CPLANE1: variants seen among roughly 807,000 people sequenced by gnomAD.
CPLANE1 encodes the protein ciliogenesis and planar polarity effector complex subunit 1, also known as ciliogenesis and planar polarity effector 1.
CPLANE1 carries 263 observed loss-of-function variants against 362.5 expected under a neutral mutation model. The ratio of observed to expected loss-of-function variants is 0.73; its 90% confidence interval spans 0.66 to 0.80. The LOEUF is 0.80. CPLANE1 is among the 30% of genes least tolerant of loss of function. CPLANE1 has a pLI of 0.00. For synonymous variants in CPLANE1, 1,212 were observed against 1,302.6 expected (o/e 0.93, Z 1.50); for missense variants, 3,461 against 3,793.4 (o/e 0.91, Z 2.30).
chr5:37,092,748 C>G, the CPLANE1 span, among the ~76,000 whole-genome samples: 1 of 152,210 alleles, frequency 6.6e-6, no homozygotes, highest in African/African-American at 2.4e-5. Context: ...CCCTTGACAC[C>G]TGGCATGGAA....
In CPLANE1 at chr5:37,183,340, C is replaced by T. The variant is rs771898985; in HGVS notation, c.4841G>A (p.Arg1614Lys). The T allele has an allele frequency of 3.7e-6, 6 of 1,612,810 alleles. No individual in the cohort carries two copies. In the South Asian group the frequency reaches 5.5e-5, roughly 15 times the overall value. ...QSKTKSQNVFRAGSCFVVAPE... is the reference protein window; with the variant it reads ...QSKTKSQNVFKAGSCFVVAPE... Reference sequence around the variant, plus strand: ...AGCAACAACAAAGCAAGAACCAGCTCTAAACACATTCTGGCTTTTAGTTTT... The same window carrying T: ...AGCAACAACAAAGCAAGAACCAGCTTTAAACACATTCTGGCTTTTAGTTTT... The change falls in exon 26 of 53, where the codon AGA (arginine) becomes AAA (lysine). Residue 1614 changes from arginine (R) to lysine (K), a missense_variant. This residue lies in a region of CPLANE1 where 3,380 missense variants were observed against 3,666.1 expected (regional missense o/e 0.92). Coordinates refer to ENST00000651892, the MANE Select transcript of CPLANE1 (RefSeq NM_001384732.1).
intron 46 of CPLANE1, among the ~76,000 whole-genome samples, chr5:37,128,420 A>C (rs1406825682): frequency 2.0e-5 from 3 of 152,254 alleles, no homozygotes; most frequent in Non-Finnish European, 1.5e-5. Context: ...TGCTGCGTGC[A>C]GATGGTGTCA....
chr5:37,166,970 G>T, intron 35 of CPLANE1, 77 bp downstream of exon 35: 1 of 1,207,996 alleles, frequency 8.3e-7, no homozygotes, highest in Non-Finnish European at 1.2e-6. Flanking sequence ...GACTGAACCA[G>T]ATTACTGTGT....
At chr5:37,123,076 C>T (rs771888405) in intron 47 of CPLANE1, among the ~76,000 whole-genome samples, 2 of 152,078 alleles carry the variant, frequency 1.3e-5, no homozygotes, top group Non-Finnish European at 2.9e-5. Context: ...ATTAACCTCA[C>T]CAAGAGCTTG....
chr5:37,091,512 A>C, the CPLANE1 span, among the ~76,000 whole-genome samples: 1 of 152,166 alleles, frequency 6.6e-6, no homozygotes, highest in Admixed American at 6.5e-5. Context: ...CACCCTTAAA[A>C]ATATGCCCAG....
At position 37,227,038 on chromosome 5, in the gene CPLANE1, G is replaced by C; in HGVS notation, c.1557C>G (p.His519Gln). 1.4e-5 allele frequency: 22 copies of C among 1,547,684 alleles called. No homozygotes were observed. The highest frequency in any genetic ancestry group is 1.9e-5 in the Non-Finnish European group (22 of 1,145,794). Residue 519 changes from histidine (H) to glutamine (Q), a missense_variant, in exon 12 of 53, where the codon CAC becomes CAG. Physicochemically the swap from His to Gln is conservative, Grantham distance 24 (BLOSUM62 0). Transcript: ENST00000651892. ...FEAEETNEGR[H>Q]FPDNLCPFWN... ...AAAAAGGACATAAGTTGTCTGGAAA[G>C]TGTCTGCCTTCGTTAGTTTCTTCTG...
rs944922718 is a variant in CPLANE1, at chr5:37,193,448, A to C, written c.3811+2410T>G. On this transcript the variant is annotated intron_variant, in intron 21 of 52. Coordinates refer to ENST00000651892, the MANE Select transcript of CPLANE1 (RefSeq NM_001384732.1). ...GGCAGGCGGATTACCTGAGGTCAGG[A>C]GTTTGAGACCGACCTAGCCAACATG... Among the ~76,000 whole-genome samples, 4 of 152,282 alleles carry C rather than the reference A, an allele frequency of 2.6e-5. No individual in the cohort carries two copies. In the East Asian group the frequency reaches 5.8e-4, roughly 22 times the overall value.
chr5:37,096,186 G>A, the CPLANE1 span, among the ~76,000 whole-genome samples: 1 of 152,054 alleles, frequency 6.6e-6, no homozygotes, highest in African/African-American at 2.4e-5. Flanking sequence ...TATACTATAA[G>A]GCCATAGCCA....
chr5:37,085,467 C>G, the CPLANE1 span: 1 of 835,778 alleles, frequency 1.2e-6, no homozygotes, highest in Non-Finnish European at 2.1e-6. Context: ...AATCCCTCAT[C>G]TGGTGACTCA....
chr5:37,242,998 A>G lies in CPLANE1; in HGVS notation c.677+15T>C, dbSNP rs1181670961. 1 of 1,500,660 alleles carries G rather than the reference A, an allele frequency of 6.7e-7. No individual in the cohort carries two copies. The highest frequency in any genetic ancestry group is 2.3e-5 in the Admixed American group (1 of 44,116). 93.0% of individuals were successfully genotyped at this position (1,500,660 alleles called of 1,614,324 possible). A position where few individuals can be genotyped will look rare whatever the true frequency, so the allele number is the denominator to read the frequency against. On this transcript the variant is annotated intron_variant, in intron 6 of 52. Coordinates refer to ENST00000651892, the MANE Select transcript of CPLANE1 (RefSeq NM_001384732.1). Reference sequence around the variant, plus strand: ...AAAATCAGTAAGAAAAGGAAGAAGAAAACATTTACCTCACCTTACAGATGT... The same window carrying G: ...AAAATCAGTAAGAAAAGGAAGAAGAGAACATTTACCTCACCTTACAGATGT...
At chr5:37,176,543 AAAAGAAAAG>A in intron 30 of CPLANE1, among the ~76,000 whole-genome samples, 1 of 152,102 alleles carries the variant, frequency 6.6e-6, no homozygotes, top group East Asian at 1.9e-4. Context: ...TGTTTCCAAA[AAAAGAAAAG>A]AAAGAAAAGA....
Position 37,126,514 on chromosome 5 carries a change from G to A in CPLANE1, c.8793-1105C>T, listed in dbSNP as rs151160345. ...CTACCCTCTTTCCCTCTCCTTTACC[G>A]GGAGGGCTGAGAGCTGCATCATAGT... is the stretch of plus-strand genomic sequence containing the variant. On this transcript the variant is annotated intron_variant, in intron 46 of 52. Transcript: ENST00000651892. Among the ~76,000 whole-genome samples, 546 of 152,226 alleles carry A rather than the reference G, an allele frequency of 3.6e-3. 2 individuals carry two copies. The highest frequency in any genetic ancestry group is 0.012 in the African/African-American group (513 of 41,522).
chr5:37,204,412 G>T (rs1790090749), intron 18 of CPLANE1, among the ~76,000 whole-genome samples: 1 of 152,036 alleles, frequency 6.6e-6, no homozygotes, highest in South Asian at 2.1e-4. Flanking sequence ...TTCTCCAACT[G>T]TAAAACAGAT....
chr5:37,183,646 C>T lies in CPLANE1; in HGVS notation c.4535G>A (p.Arg1512Lys), dbSNP rs1377340492. 18 of 1,609,316 alleles carry T rather than the reference C, an allele frequency of 1.1e-5. No individual in the cohort carries two copies. Among genetic ancestry groups the T allele is most frequent in the Non-Finnish European group, 1.5e-5 (18 of 1,178,734 alleles). The stretch of plus-strand genomic sequence containing the variant: ...ATTTTCTTTCTGATTACACATTTTC[C>T]TTTTATCAGTTGGCTTATGAATTGA... The part of the protein sequence containing the change: ...LTSIHKPTDK[R>K]KMCNQKENPT... Residue 1512 changes from arginine to lysine, a missense_variant, in exon 26 of 53, where the codon AGG becomes AAG. Arg to Lys is a conservative substitution (Grantham distance 26). Coordinates refer to ENST00000651892, the MANE Select transcript of CPLANE1 (RefSeq NM_001384732.1).
At position 37,169,387 on chromosome 5, in the gene CPLANE1, T is replaced by C; in HGVS notation, c.6637A>G (p.Ile2213Val). ...GGACTAAATGTTTTTGCATGTGGGA[T>C]AAGTCTAGGTGCCTTCTGAACAACA... ...PSVVQKAPRL[I>V]PHAKTFSPGD... The change falls in exon 34 of 53, where the codon ATC (isoleucine) becomes GTC (valine). Residue 2213 changes from isoleucine to valine, a missense_variant. Coordinates refer to ENST00000651892, the MANE Select transcript of CPLANE1 (RefSeq NM_001384732.1). 6.2e-7 allele frequency: 1 copy of C among 1,614,180 alleles called. No individual in the cohort carries two copies.
intron 43 of CPLANE1, among the ~76,000 whole-genome samples, chr5:37,143,452 T>C (rs1195988124): frequency 2.0e-5 from 3 of 152,090 alleles, no homozygotes; most frequent in Admixed American, 6.5e-5. Context: ...AAAGAGCAGA[T>C]AGATTTGAAA....
rs141109938 is a variant in CPLANE1, at chr5:37,183,227, G to A, written c.4954C>T (p.Leu1652=). The A allele has an allele frequency of 4.7e-4, 764 of 1,612,298 alleles. 2 individuals carry two copies. Among genetic ancestry groups the A allele is most frequent in the Middle Eastern group, 1.8e-3 (11 of 6,048 alleles). Residue 1652 remains leucine (L), a synonymous_variant, in exon 26 of 53, where the codon CTG becomes TTG. Transcript: ENST00000651892. ...AAAGGTTTGATCCCTTGATTAACCA[G>A]TACTGATGATGAAAGTTTCTGGTTT... is the stretch of plus-strand genomic sequence containing the variant. The part of the protein sequence containing the change: ...LENQKLSSSV[L]VNQGIKPFLQ...
At chr5:37,165,875 A>C (rs1327627841) in intron 35 of CPLANE1, among the ~76,000 whole-genome samples, 1 of 152,206 alleles carries the variant, frequency 6.6e-6, no homozygotes, top group Non-Finnish European at 1.5e-5. Context: ...TAGAACCTCT[A>C]CTACTGAACT....
intron 21 of CPLANE1, among the ~76,000 whole-genome samples, chr5:37,192,617 C>A (rs554438983): frequency 6.6e-6 from 1 of 152,114 alleles, no homozygotes; most frequent in Non-Finnish European, 1.5e-5. Flanking sequence ...GTAATCCCAG[C>A]ACTTTGGGAG....
Sources: allele counts gnomAD v4.1 joint callset (sites outside exome capture counted in the v4.1 genomes callset), GRCh38; gene constraint gnomAD v4.1.1; regional missense constraint gnomAD v4.1.1; transcripts MANE v1.5; gene names NCBI Gene and HGNC (gene_info 2026-07-23, HGNC 2026-07-21).